The following THSD7A variants were observed in gnomAD, a reference collection of about 807,000 sequenced individuals.
The protein encoded by THSD7A is thrombospondin type-1 domain-containing protein 7A.
Under a neutral mutation model 231.3 loss-of-function variants are expected in THSD7A, and 96 were observed. That is an observed-to-expected ratio of 0.41 (90% CI 0.35 to 0.49). The LOEUF (loss-of-function observed/expected upper bound fraction) is 0.49. Among genes scored for constraint, THSD7A ranks in the 20% least tolerant of loss-of-function variants. THSD7A has a pLI of 0.05. For synonymous variants in THSD7A, 940 were observed against 743.3 expected, an observed-to-expected ratio of 1.26 and a Z score of -4.30; for missense variants, 2,290 against 2,070.2, an observed-to-expected ratio of 1.11 and a Z score of -2.06.
At chr7:11,695,204 A>G (rs902778200) in intron 1 of THSD7A, among the ~76,000 whole-genome samples, 22 of 151,538 alleles carry the variant, frequency 1.5e-4, no homozygotes, top group African/African-American at 4.8e-4. Flanking sequence ...CTTGCTGACC[A>G]TAATACACTT....
intron 6 of THSD7A, among the ~76,000 whole-genome samples, chr7:11,522,315 T>A (rs1562682349): frequency 6.6e-6 from 1 of 152,190 alleles, no homozygotes; most frequent in African/African-American, 2.4e-5. Context: ...AAACATGCAA[T>A]TGAAGTAGGT....
rs530726698 is a variant in THSD7A, at chr7:11,650,222, G to A, written c.191-13261C>T. Reference sequence around the variant, plus strand: ...ATAATAGCTTGCTGTCATCTTCCATGACTCATCCAGTTTTGTTCTACTTTT... The same window carrying A: ...ATAATAGCTTGCTGTCATCTTCCATAACTCATCCAGTTTTGTTCTACTTTT... On this transcript the variant is annotated intron_variant, in intron 1 of 27. Coordinates refer to ENST00000423059, the MANE Select transcript of THSD7A (RefSeq NM_015204.3). Among the ~76,000 whole-genome samples the A allele has an allele frequency of 3.9e-5, 6 of 152,102 alleles. No homozygotes were observed. The South Asian group carries it at 1.0e-3, about 26-fold the overall frequency.
chr7:11,428,354 A>C (rs1221234259), intron 14 of THSD7A, among the ~76,000 whole-genome samples: 1 of 152,164 alleles, frequency 6.6e-6, no homozygotes, highest in African/African-American at 2.4e-5. Context: ...AACGACAACT[A>C]TTAACAGCAG....
intron 23 of THSD7A, among the ~76,000 whole-genome samples, chr7:11,389,518 G>C (rs1353195016): frequency 7.5e-6 from 1 of 133,470 alleles, no homozygotes; most frequent in Non-Finnish European, 1.5e-5. Context: ...GTGTGTCTTT[G>C]CACGTGAGAT....
intron 1 of THSD7A, among the ~76,000 whole-genome samples, chr7:11,827,771 G>C (rs1785074687): frequency 6.6e-6 from 1 of 152,104 alleles, no homozygotes; most frequent in East Asian, 1.9e-4. Flanking sequence ...AGATATATTG[G>C]TCTAAATATG....
intron 1 of THSD7A, among the ~76,000 whole-genome samples, chr7:11,757,548 C>T (rs1247806456): frequency 6.6e-6 from 1 of 151,964 alleles, no homozygotes; most frequent in Non-Finnish European, 1.5e-5. Context: ...AAATTCAGAT[C>T]TTCTGGATAC....
At chr7:11,587,871 A>G (rs1779978684) in intron 4 of THSD7A, among the ~76,000 whole-genome samples, 1 of 152,266 alleles carries the variant, frequency 6.6e-6, no homozygotes, top group African/African-American at 2.4e-5. Context: ...TTTTTGTACT[A>G]ATACACTTTA....
intron 1 of THSD7A, among the ~76,000 whole-genome samples, chr7:11,768,592 T>C (rs1197215125): frequency 1.3e-5 from 2 of 152,108 alleles, no homozygotes; most frequent in Non-Finnish European, 2.9e-5. Context: ...CCAACTCTAG[T>C]CCATGTGATT....
intron 1 of THSD7A, among the ~76,000 whole-genome samples, chr7:11,804,308 T>C (rs1784348279): frequency 6.6e-6 from 1 of 152,164 alleles, no homozygotes; most frequent in Admixed American, 6.6e-5. Flanking sequence ...CTGTGAGTTC[T>C]CTGATTAAAA....
intron 6 of THSD7A, among the ~76,000 whole-genome samples, chr7:11,506,163 T>C (rs1240241232): frequency 2.0e-5 from 3 of 152,102 alleles, no homozygotes; most frequent in African/African-American, 7.2e-5. Flanking sequence ...GGCTAATTTT[T>C]TGTATTTTTA....
chr7:11,584,675 G>A (rs1791318372), intron 4 of THSD7A, among the ~76,000 whole-genome samples: 1 of 152,140 alleles, frequency 6.6e-6, no homozygotes. Flanking sequence ...GCCTTAAGAT[G>A]AGAAGTTAAA....
Position 11,417,516 on chromosome 7 carries a change from C to A in THSD7A, c.3471G>T (p.Val1157=), listed in dbSNP as rs771111742. The A allele has an allele frequency of 1.9e-6, 3 of 1,613,772 alleles. No individual in the cohort carries two copies. The highest frequency in any genetic ancestry group is 2.5e-6 in the Non-Finnish European group (3 of 1,179,760). ...DPEEMPLGSR[V]CKLPCPEDCV... is the part of the protein sequence containing the mutation. ...AGTCCTCAGGGCATGGTAATTTGCA[C>A]ACTCTAGAGCCCAGGGGCATCTCTT... The change falls in exon 17 of 28, where the codon GTG becomes GTT. Residue 1157 remains valine (V), a synonymous_variant. Coordinates refer to ENST00000423059, the MANE Select transcript of THSD7A (RefSeq NM_015204.3).
At chr7:11,702,697 T>C (rs569113888) in intron 1 of THSD7A, among the ~76,000 whole-genome samples, 98 of 151,350 alleles carry the variant, frequency 6.5e-4, no homozygotes, top group African/African-American at 2.3e-3. Context: ...TTTAGAATTC[T>C]ACCTGAGCAA....
chr7:11,787,209 C>G (rs1174838160), intron 1 of THSD7A, among the ~76,000 whole-genome samples: 1 of 151,742 alleles, frequency 6.6e-6, no homozygotes, highest in South Asian at 2.1e-4. Flanking sequence ...ACTTTCACCG[C>G]AAAAAAATAT....
rs553224327 is a variant in THSD7A, at chr7:11,741,053, G to C, written c.190+90704C>G. On this transcript the variant is annotated intron_variant, in intron 1 of 27. Coordinates refer to ENST00000423059, the MANE Select transcript of THSD7A (RefSeq NM_015204.3). Reference sequence around the variant, plus strand: ...ACACTGAAGAGAATGCCAATATTTTGCTAGGTACCTGTTAATCGATGATAT... The same window carrying C: ...ACACTGAAGAGAATGCCAATATTTTCCTAGGTACCTGTTAATCGATGATAT... Among the ~76,000 whole-genome samples the C allele has an allele frequency of 8.6e-5, 13 of 151,964 alleles. No homozygotes were observed. In the East Asian group the frequency reaches 9.8e-4, roughly 11 times the overall value.
chr7:11,384,072 T>C (rs1477788549), intron 23 of THSD7A: 2 of 152,014 alleles, frequency 1.3e-5, no homozygotes, highest in African/African-American at 2.4e-5. Flanking sequence ...CCATTTGTTA[T>C]GGTGAACTTA....
Position 11,690,700 on chromosome 7 carries a change from A to G in THSD7A, c.191-53739T>C, listed in dbSNP as rs139084688. On this transcript the variant is annotated intron_variant, in intron 1 of 27. Coordinates refer to ENST00000423059, the MANE Select transcript of THSD7A (RefSeq NM_015204.3). ...AATTATGCCACTCTCAAAACAACCC[A>G]TACTTTCTCGAATTTCCTCCTTGAG... Among the ~76,000 whole-genome samples the G allele has an allele frequency of 6.4e-3, 970 of 151,854 alleles. 10 individuals are homozygous for G. Among genetic ancestry groups the G allele is most frequent in the African/African-American group, 0.022 (928 of 41,502 alleles).
At chr7:11,708,807 A>T (rs1303622732) in intron 1 of THSD7A, among the ~76,000 whole-genome samples, 1 of 150,922 alleles carries the variant, frequency 6.6e-6, no homozygotes, top group East Asian at 2.0e-4. Flanking sequence ...TCAAATAGTT[A>T]TTATAGACCA....
In THSD7A at chr7:11,417,336, G is replaced by A. The variant is rs1375826682; in HGVS notation, c.3537+114C>T. The A allele has an allele frequency of 2.8e-6, 3 of 1,076,686 alleles. No individual in the cohort carries two copies. In the East Asian group the frequency reaches 8.1e-5, roughly 29 times the overall value. 66.7% of individuals were successfully genotyped at this position (1,076,686 alleles called of 1,614,324 possible). On this transcript the variant is annotated intron_variant, in intron 17 of 27. Coordinates refer to ENST00000423059, the MANE Select transcript of THSD7A (RefSeq NM_015204.3). ...GACACACCTTGCTTTGCTAAATATG[G>A]CAAACAAACAGATTTTACATTGAAG...
Sources: gnomAD v4.1 joint callset for allele counts (sites outside exome capture counted in the v4.1 genomes callset) on GRCh38, gnomAD v4.1.1 for gene constraint, MANE v1.5 for transcripts, NCBI Gene and HGNC (gene_info 2026-07-23, HGNC 2026-07-21) for gene names.